Variants in SH2D3C observed in about 807,000 individuals in gnomAD.
SH2D3C encodes SH2 domain-containing protein 3C.
SH2D3C carries 25 observed loss-of-function variants against 75.2 expected under a neutral mutation model. The observed-to-expected ratio is 0.33, with a 90% CI of 0.24 to 0.46. SH2D3C has a LOEUF of 0.46. Among genes scored for constraint, SH2D3C ranks in the 20% least tolerant of loss-of-function variants. The pLI, the probability that SH2D3C is intolerant of heterozygous loss-of-function variation, is 1.00. For missense variants in SH2D3C, 933 were observed against 1,165.3 expected, an observed-to-expected ratio of 0.80 and a Z score of 2.90; for synonymous variants, 450 against 473.7, an observed-to-expected ratio of 0.95 and a Z score of 0.65.
chr9:127,755,050 G>C, intron 3 of SH2D3C: 1 of 1,119,242 alleles, frequency 8.9e-7, no homozygotes, highest in Non-Finnish European at 1.1e-6. Context: ...AGCCCGGCGC[G>C]CGTGGCGGGG....
intron 3 of SH2D3C, 56 bp downstream of exon 3, chr9:127,761,555 A>C: frequency 7.7e-7 from 1 of 1,293,088 alleles, no homozygotes; most frequent in Non-Finnish European, 1.1e-6. Flanking sequence ...CCCGTAATGG[A>C]GCAGGCTCTG....
Position 127,754,833 on chromosome 9 carries a change from G to C in SH2D3C, c.556-3533C>G. On this transcript the variant is annotated intron_variant, in intron 3 of 11. Coordinates refer to ENST00000314830, the MANE Select transcript of SH2D3C (RefSeq NM_170600.3). This position sits in a 1 kb window ranked among gnomAD's most constrained non-coding sequence, Gnocchi z 4.4. Reference sequence around the variant, plus strand: ...CCCTCCTGCGGAGGAGGCAGAAACGGACCGGCATCTACCGCAGCCCAGAGT... The same window carrying C: ...CCCTCCTGCGGAGGAGGCAGAAACGCACCGGCATCTACCGCAGCCCAGAGT... 1 of 491,952 alleles carries C rather than the reference G, an allele frequency of 2.0e-6. No homozygotes were observed. The highest frequency in any genetic ancestry group is 4.1e-6 in the Non-Finnish European group (1 of 241,114). 30.5% of individuals were successfully genotyped at this position (491,952 alleles called of 1,614,324 possible). A position where few individuals can be genotyped will look rare whatever the true frequency, so the allele number is the denominator to read the frequency against.
Position 127,754,382 on chromosome 9 carries a change from GC to G in SH2D3C, c.556-3083del, listed in dbSNP as rs1845296774. 6.6e-6 allele frequency among the ~76,000 whole-genome samples: 1 copy of G among 152,054 alleles called. No homozygotes were observed. Among genetic ancestry groups the G allele is most frequent in the East Asian group, 1.9e-4 (1 of 5,178 alleles). On this transcript the variant is annotated intron_variant, in intron 3 of 11. Coordinates refer to ENST00000314830, the MANE Select transcript of SH2D3C (RefSeq NM_170600.3). This position sits in a 1 kb window ranked among gnomAD's most constrained non-coding sequence, Gnocchi z 4.4. ...ACAGGGTCTTAACCCCTTCCCGCCA[GC>G]CCGAGCCCAGCATCCCCTCCAGCTC...
chr9:127,742,819 G>C, intron 8 of SH2D3C, 30 bp downstream of exon 8: 1 of 1,560,404 alleles, frequency 6.4e-7, no homozygotes, highest in South Asian at 1.1e-5. Context: ...GGGGTTCCCC[G>C]CGAGTCCCCG....
Position 127,740,144 on chromosome 9 carries a change from A to C in SH2D3C, c.2200+114T>G, listed in dbSNP as rs1041602444. On this transcript the variant is annotated intron_variant, in intron 10 of 11. Coordinates refer to ENST00000314830, the MANE Select transcript of SH2D3C (RefSeq NM_170600.3). ...AGCTGCCAGCAGGAACAGTGAGCTC[A>C]GGGAAAGTAGCTTGCACAGAGCTCA... 1.6e-5 allele frequency: 14 copies of C among 898,390 alleles called. No homozygotes were observed. In the African/African-American group the frequency reaches 1.8e-4, roughly 12 times the overall value. 55.7% of individuals were successfully genotyped at this position (898,390 alleles called of 1,614,324 possible).
intron 2 of SH2D3C, among the ~76,000 whole-genome samples, chr9:127,772,997 C>G (rs1370286931): frequency 6.6e-6 from 1 of 151,992 alleles, no homozygotes; most frequent in Non-Finnish European, 1.5e-5. Flanking sequence ...CCACGCCCTG[C>G]TAGTTTTTGT....
chr9:127,766,472 C>T (rs760366373), intron 2 of SH2D3C, among the ~76,000 whole-genome samples: 3 of 152,246 alleles, frequency 2.0e-5, no homozygotes, highest in Non-Finnish European at 4.4e-5. Context: ...TGTGGGGCTC[C>T]TCTTGTTGCT....
At chr9:127,756,790 C>T (rs986615143) in intron 3 of SH2D3C, among the ~76,000 whole-genome samples, 2 of 151,496 alleles carry the variant, frequency 1.3e-5, no homozygotes, top group East Asian at 1.9e-4. Context: ...GGACTACAGG[C>T]GCCTGCCACC....
rs1845782007 is a variant in SH2D3C, at chr9:127,774,484, G to A, written c.38-17C>T. Reference sequence around the variant, plus strand: ...TGAAGAACTCTAGCAGAGGGGAAGGGAAGGAAAAGAAGTTAATGACAATGT... The same window carrying A: ...TGAAGAACTCTAGCAGAGGGGAAGGAAAGGAAAAGAAGTTAATGACAATGT... On this transcript the variant is annotated splice_polypyrimidine_tract_variant and intron_variant, in intron 1 of 11. Coordinates refer to ENST00000314830, the MANE Select transcript of SH2D3C (RefSeq NM_170600.3). This position sits in a 1 kb window ranked among gnomAD's most constrained non-coding sequence, Gnocchi z 4.3. 2.5e-6 allele frequency: 3 copies of A among 1,199,616 alleles called. No individual in the cohort carries two copies. The highest frequency in any genetic ancestry group is 4.7e-5 in the East Asian group (2 of 42,462). 74.3% of individuals were successfully genotyped at this position (1,199,616 alleles called of 1,614,324 possible). A position where few individuals can be genotyped will look rare whatever the true frequency, so the allele number is the denominator to read the frequency against.
intron 9 of SH2D3C, among the ~76,000 whole-genome samples, chr9:127,740,979 C>G (rs1367356748): frequency 1.3e-5 from 2 of 152,214 alleles, no homozygotes; most frequent in Non-Finnish European, 2.9e-5. Context: ...CCGCGCCTGG[C>G]TGTTGTTATT....
At chr9:127,756,631 A>G (rs1415190357) in intron 3 of SH2D3C, among the ~76,000 whole-genome samples, 2 of 139,440 alleles carry the variant, frequency 1.4e-5, no homozygotes, top group Admixed American at 1.4e-4. Flanking sequence ...ATCTCAAGGT[A>G]GGAGGGGGCT....
At position 127,755,115 on chromosome 9, in the gene SH2D3C, G is replaced by A. The variant is rs756774753; in HGVS notation, c.556-3815C>T. ...CGAAGGAGCCGCGGTAGAAGCAGCA[G>A]GCGGCGGCCGACAGGGCACTCCACA... On this transcript the variant is annotated intron_variant, in intron 3 of 11. Transcript: ENST00000314830. 125 of 1,219,050 alleles carry A rather than the reference G, an allele frequency of 1.0e-4. No individual in the cohort carries two copies. In the African/African-American group the frequency reaches 1.6e-3, roughly 16 times the overall value. The allele number at this position is 1,219,050 out of a possible 1,614,324, so 75.5% of individuals were successfully genotyped here.
chr9:127,767,213 C>G, intron 2 of SH2D3C: 1 of 1,519,506 alleles, frequency 6.6e-7, no homozygotes, highest in Non-Finnish European at 8.8e-7. Flanking sequence ...AGGGGCCATT[C>G]TTCCCAGAGC....
chr9:127,761,557 C>G (rs1022266013), intron 3 of SH2D3C, 54 bp downstream of exon 3: 55 of 1,314,164 alleles, frequency 4.2e-5, no homozygotes, highest in Non-Finnish European at 5.8e-5. Context: ...CGTAATGGAG[C>G]AGGCTCTGAG....
At chr9:127,745,306 A>C (rs1182152273) in intron 6 of SH2D3C, among the ~76,000 whole-genome samples, 1 of 152,040 alleles carries the variant, frequency 6.6e-6, no homozygotes, top group Admixed American at 6.6e-5. Flanking sequence ...ACCAGGACCC[A>C]GGAGTTTGCA....
intron 6 of SH2D3C, among the ~76,000 whole-genome samples, chr9:127,746,725 G>A (rs1207487584): frequency 2.0e-5 from 3 of 152,208 alleles, no homozygotes; most frequent in African/African-American, 7.2e-5. Context: ...ATCACCTGAG[G>A]TCAGGAGTTC....
rs1443134640 is a variant in SH2D3C at position 127,744,891 on chromosome 9, G to C, written c.1473C>G (p.Asp491Glu). 4 of 1,612,878 alleles carry C rather than the reference G, an allele frequency of 2.5e-6. No individual in the cohort carries two copies. The highest frequency in any genetic ancestry group is 2.5e-6 in the Non-Finnish European group (3 of 1,179,182). The change falls in exon 7 of 12, where the codon GAC becomes GAG. Residue 491 changes from aspartate to glutamate, a missense_variant. Asp to Glu is a conservative substitution (Grantham distance 45). Transcript: ENST00000314830. ...GCTGGAGCTGGCAGTAGTGGCCAGA[G>C]TCCGGGTCACTGTAGCTGCTGAGTG... ...SPSLSSYSDPDSGHYCQLQPP... is the reference protein window; with the variant it reads ...SPSLSSYSDPESGHYCQLQPP...
rs1845210992 is a variant in SH2D3C, at chr9:127,751,795, A to C, written c.556-495T>G. ...CTTGAAGTGTTGGAGGGGGATTTCT[A>C]CAGGTGAATCTTGGAGGTAAGGCAG... On this transcript the variant is annotated intron_variant, in intron 3 of 11. Coordinates refer to ENST00000314830, the MANE Select transcript of SH2D3C (RefSeq NM_170600.3). This position sits in a 1 kb window ranked among gnomAD's most constrained non-coding sequence, Gnocchi z 4.1. Among the ~76,000 whole-genome samples, 1 of 152,238 alleles carries C rather than the reference A, an allele frequency of 6.6e-6. No individual in the cohort carries two copies.
In SH2D3C at chr9:127,738,527, G is replaced by A. The variant is rs895205729; in HGVS notation, c.*219C>T. On this transcript the variant is annotated 3_prime_UTR_variant, in exon 12 of 12. Transcript: ENST00000314830. This position sits in a 1 kb window ranked among gnomAD's most constrained non-coding sequence, Gnocchi z 5.0. Reference sequence around the variant, plus strand: ...AGCAGCAAAAGCTGGTGGGGGAACCGGCGTTCCTGTTCTTCCTCAATGGAG... The same window carrying A: ...AGCAGCAAAAGCTGGTGGGGGAACCAGCGTTCCTGTTCTTCCTCAATGGAG... 4 of 404,946 alleles carry A rather than the reference G, an allele frequency of 9.9e-6. No homozygotes were observed. In the South Asian group the frequency reaches 1.7e-4, roughly 17 times the overall value. 25.1% of individuals were successfully genotyped at this position (404,946 alleles called of 1,614,324 possible). A position where few individuals can be genotyped will look rare whatever the true frequency, so the allele number is the denominator to read the frequency against.
Sources: allele counts gnomAD v4.1 joint callset (sites outside exome capture counted in the v4.1 genomes callset), GRCh38; gene constraint gnomAD v4.1.1; non-coding constraint Gnocchi (gnomAD v3.1); transcripts MANE v1.5; gene names NCBI Gene and HGNC (gene_info 2026-07-23, HGNC 2026-07-21).